Variants in PLEKHM2 observed in about 807,000 individuals in gnomAD.
PLEKHM2 encodes pleckstrin homology and RUN domain containing M2.
In PLEKHM2, 77 loss-of-function variants were observed where a neutral mutation model predicts 116.3. That is an observed-to-expected ratio of 0.66 (90% CI 0.55 to 0.80). The LOEUF (loss-of-function observed/expected upper bound fraction) is 0.80. PLEKHM2 is among the 30% of genes least tolerant of loss of function. The probability of loss-of-function intolerance (pLI) is 0.00; values close to 1 mark genes in which losing one functional copy is unlikely to be tolerated. For missense variants in PLEKHM2, 1,183 were observed against 1,354.9 expected (o/e 0.87, Z 1.99); for synonymous variants, 562 against 571.0 (o/e 0.98, Z 0.22).
intron 3 of PLEKHM2, among the ~76,000 whole-genome samples, chr1:15,717,557 T>G (rs1030126971): frequency 6.6e-6 from 1 of 152,236 alleles, no homozygotes; most frequent in African/African-American, 2.4e-5. Flanking sequence ...TGGACTCTTA[T>G]GGAATCCCAG....
intron 16 of PLEKHM2, among the ~76,000 whole-genome samples, 169 bp downstream of exon 16, chr1:15,731,426 A>G (rs2068142025): frequency 6.6e-6 from 1 of 152,090 alleles, no homozygotes; most frequent in Non-Finnish European, 1.5e-5. Context: ...CAAGGAGCCC[A>G]CAGGAGGGGA....
intron 8 of PLEKHM2, among the ~76,000 whole-genome samples, chr1:15,726,115 T>C (rs1466662418): frequency 6.6e-6 from 1 of 152,232 alleles, no homozygotes; most frequent in Non-Finnish European, 1.5e-5. Flanking sequence ...TCTGGGGCCA[T>C]GTCCAGGCTG....
In PLEKHM2 at chr1:15,719,984, C is replaced by T. The variant is rs2067968208; in HGVS notation, c.652+64C>T. On this transcript the variant is annotated intron_variant, in intron 6 of 19. Coordinates refer to ENST00000375799, the MANE Select transcript of PLEKHM2 (RefSeq NM_015164.4). This position sits in a 1 kb window ranked among gnomAD's most constrained non-coding sequence, Gnocchi z 4.1. ...TGAAACAGACTTGAACTGCTTAAGC[C>T]TGGCTGGGTGATGTCTTCCTTGGCT... is the stretch of plus-strand genomic sequence containing the variant. 3.7e-6 allele frequency: 5 copies of T among 1,351,664 alleles called. No homozygotes were observed. The highest frequency in any genetic ancestry group is 5.1e-6 in the Non-Finnish European group (5 of 985,748). The allele number at this position is 1,351,664 out of a possible 1,614,324, so 83.7% of individuals were successfully genotyped here. A position where few individuals can be genotyped will look rare whatever the true frequency, so the allele number is the denominator to read the frequency against.
intron 15 of PLEKHM2, 115 bp from the exon 16 acceptor site, chr1:15,731,077 T>C (rs1039352741): frequency 6.5e-6 from 5 of 767,672 alleles, no homozygotes; most frequent in Admixed American, 6.2e-5. Flanking sequence ...CTGGTGTCCT[T>C]TGCCTCAGGT....
Position 15,716,296 on chromosome 1 carries a change from G to A in PLEKHM2, c.120G>A (p.Lys40=). 2 of 1,608,288 alleles carry A rather than the reference G, an allele frequency of 1.2e-6. No individual in the cohort carries two copies. The highest frequency in any genetic ancestry group is 1.7e-4 in the Middle Eastern group (1 of 6,060). ...DEIPAIRNHD[K]VLQRLCEHLD... ...TCCCTGCCATCCGGAACCATGACAA[G>A]GTCCTACAGCGTCTGTGTGAGCACC... The change falls in exon 2 of 20, where the codon AAG becomes AAA. Residue 40 remains lysine (K), a synonymous_variant. Transcript: ENST00000375799.
chr1:15,728,431 G>C lies in PLEKHM2; in HGVS notation c.1921+74G>C. On this transcript the variant is annotated intron_variant, in intron 11 of 19. Transcript: ENST00000375799. This position sits in a 1 kb window ranked among gnomAD's most constrained non-coding sequence, Gnocchi z 5.9. Reference sequence around the variant, plus strand: ...TCAGCCCCTTTTCCCCAGTCCCCTTGCCCTCTGAGTGCCTCCCGGCTGCCT... The same window carrying C: ...TCAGCCCCTTTTCCCCAGTCCCCTTCCCCTCTGAGTGCCTCCCGGCTGCCT... 1 of 1,370,726 alleles carries C rather than the reference G, an allele frequency of 7.3e-7. No individual in the cohort carries two copies. Among genetic ancestry groups the C allele is most frequent in the Non-Finnish European group, 1.0e-6 (1 of 984,324 alleles). The allele number at this position is 1,370,726 out of a possible 1,614,324, so 84.9% of individuals were successfully genotyped here.
rs753778128 is a variant in PLEKHM2, at chr1:15,727,733, A to G, written c.1661A>G (p.Lys554Arg). The G allele has an allele frequency of 2.5e-6, 4 of 1,600,684 alleles. No individual in the cohort carries two copies. In the African/African-American group the frequency reaches 4.0e-5, roughly 16 times the overall value. Reference protein sequence around the residue: ...PGTQEVLCQLKRDQPSPCLSS... With the variant: ...PGTQEVLCQLRRDQPSPCLSS... ...ACCCAGGAGGTTCTCTGCCAGCTCA[A>G]GCGAGACCAGCCCAGCCCGTGTCTG... The change falls in exon 9 of 20, where the codon AAG becomes AGG. Residue 554 changes from lysine to arginine, a missense_variant. Coordinates refer to ENST00000375799, the MANE Select transcript of PLEKHM2 (RefSeq NM_015164.4). The surrounding 1 kb of genome is among the most constrained non-coding windows in gnomAD (Gnocchi z 7.5).
In PLEKHM2 at chr1:15,684,535, G is replaced by T; in HGVS notation, c.-24G>T. 2.6e-6 allele frequency: 3 copies of T among 1,175,628 alleles called. No individual in the cohort carries two copies. Among genetic ancestry groups the T allele is most frequent in the East Asian group, 4.3e-5 (1 of 23,102 alleles). The allele number at this position is 1,175,628 out of a possible 1,614,324, so 72.8% of individuals were successfully genotyped here. A position where few individuals can be genotyped will look rare whatever the true frequency, so the allele number is the denominator to read the frequency against. Reference sequence around the variant, plus strand: ...GGGCGGCGGCGGCGGTGGCGGTGGCGGTGGCGGCGACGGTGGCAGCGCCAT... The same window carrying T: ...GGGCGGCGGCGGCGGTGGCGGTGGCTGTGGCGGCGACGGTGGCAGCGCCAT... On this transcript the variant is annotated 5_prime_UTR_variant, in exon 1 of 20. Coordinates refer to ENST00000375799, the MANE Select transcript of PLEKHM2 (RefSeq NM_015164.4).
At chr1:15,723,161 CG>C (rs983266285) in intron 7 of PLEKHM2, 3 of 152,026 alleles carry the variant, frequency 2.0e-5, no homozygotes, top group African/African-American at 7.3e-5. Flanking sequence ...GGTGGGCATG[CG>C]GGCCTTGACA....
chr1:15,722,928 G>A (rs1475693276), intron 7 of PLEKHM2: 1 of 152,066 alleles, frequency 6.6e-6, no homozygotes, highest in Non-Finnish European at 1.5e-5. Context: ...CAGCCTTTCA[G>A]AGCTCCCTGC....
rs147832373 is a variant in PLEKHM2, at chr1:15,697,034, G to C, written c.60+12416G>C. 2.1e-3 allele frequency among the ~76,000 whole-genome samples: 324 copies of C among 152,244 alleles called. 1 individual carries two copies. The highest frequency in any genetic ancestry group is 6.7e-3 in the African/African-American group (278 of 41,554). Reference sequence around the variant, plus strand: ...TTGGCCATACTTGGGTTGTCTGGGTGGGGGAGGCACTCATGAGGTGGTGGT... The same window carrying C: ...TTGGCCATACTTGGGTTGTCTGGGTCGGGGAGGCACTCATGAGGTGGTGGT... On this transcript the variant is annotated intron_variant, in intron 1 of 19. Coordinates refer to ENST00000375799, the MANE Select transcript of PLEKHM2 (RefSeq NM_015164.4).
chr1:15,732,509 G>A lies in PLEKHM2; in HGVS notation c.2785G>A (p.Gly929Ser). Residue 929 changes from glycine to serine, a missense_variant, in exon 18 of 20, where the codon GGC becomes AGC. By Grantham distance (56) the Gly-to-Ser change is moderately conservative (BLOSUM62 0). Coordinates refer to ENST00000375799, the MANE Select transcript of PLEKHM2 (RefSeq NM_015164.4). The part of the protein sequence containing the change: ...GDISAVSTEP[G>S]KEYCVLEFSQ... Reference sequence around the variant, plus strand: ...CATCAGCGCCGTCTCCACCGAGCCGGGCAAGGAGTACTGCGTCTTGGTGAG... The same window carrying A: ...CATCAGCGCCGTCTCCACCGAGCCGAGCAAGGAGTACTGCGTCTTGGTGAG... 2 of 1,609,744 alleles carry A rather than the reference G, an allele frequency of 1.2e-6. No homozygotes were observed. Among genetic ancestry groups the A allele is most frequent in the East Asian group, 2.2e-5 (1 of 44,786 alleles).
intron 1 of PLEKHM2, among the ~76,000 whole-genome samples, chr1:15,703,877 G>A (rs1641168111): frequency 6.6e-6 from 1 of 152,208 alleles, no homozygotes; most frequent in Non-Finnish European, 1.5e-5. Context: ...AGCTGAGCTA[G>A]CTTTTCCCGG....
chr1:15,684,697 G>GGCGACCCTGCTGTCGCAGGGACTC, intron 1 of PLEKHM2, 79 bp downstream of exon 1: 1 of 795,234 alleles, frequency 1.3e-6, no homozygotes, highest in Non-Finnish European at 1.7e-6. Context: ...CTCCCGGGCC[G>GGCGACCCTGCTGTCGCAGGGACTC]GGGCCCCCCG....
At chr1:15,687,886 T>C (rs1191879168) in intron 1 of PLEKHM2, among the ~76,000 whole-genome samples, 1 of 152,220 alleles carries the variant, frequency 6.6e-6, no homozygotes, top group Non-Finnish European at 1.5e-5. Context: ...ACTGGTCATT[T>C]TATAAGGATT....
intron 1 of PLEKHM2, among the ~76,000 whole-genome samples, chr1:15,715,163 AGGCTGGC>A (rs1641419577): frequency 3.4e-5 from 4 of 117,144 alleles, no homozygotes; most frequent in African/African-American, 1.4e-4. Context: ...CATGTCAAGA[AGGCTGGC>A]AAGAAGGCTG....
intron 1 of PLEKHM2, among the ~76,000 whole-genome samples, chr1:15,701,782 A>C (rs1279205670): frequency 6.6e-6 from 1 of 152,070 alleles, no homozygotes; most frequent in South Asian, 2.1e-4. Flanking sequence ...CACAGCGAGA[A>C]TCCCTCTCAA....
chr1:15,730,429 G>T, intron 14 of PLEKHM2, 103 bp from the exon 15 acceptor site: 1 of 900,322 alleles, frequency 1.1e-6, no homozygotes, highest in South Asian at 1.8e-5. Flanking sequence ...GCGACAGAGC[G>T]AGACTCCATC....
At chr1:15,702,180 C>T (rs561087448) in intron 1 of PLEKHM2, among the ~76,000 whole-genome samples, 17 of 152,286 alleles carry the variant, frequency 1.1e-4, no homozygotes, top group African/African-American at 1.9e-4. Flanking sequence ...AATTCCCAGA[C>T]GCAAGGTGGG....
Sources: allele counts gnomAD v4.1 joint callset (sites outside exome capture counted in the v4.1 genomes callset), GRCh38; gene constraint gnomAD v4.1.1; non-coding constraint Gnocchi (gnomAD v3.1); transcripts MANE v1.5; gene names NCBI Gene and HGNC (gene_info 2026-07-23, HGNC 2026-07-21).